Variants in MAGI2 observed in about 807,000 individuals in gnomAD.
MAGI2 encodes membrane-associated guanylate kinase, WW and PDZ domain-containing protein 2.
In MAGI2, 35 loss-of-function variants were observed where a neutral mutation model predicts 133.3. The observed-to-expected ratio is 0.26, with a 90% CI of 0.20 to 0.35. The LOEUF (loss-of-function observed/expected upper bound fraction) is 0.35, where lower values mean the gene tolerates loss of function less well. Ranked by LOEUF, MAGI2 falls within the 10% of genes least tolerant of loss-of-function variation. The pLI is 1.00. For missense variants in MAGI2, 1,636 were observed against 1,863.4 expected (o/e 0.88, Z 2.25); for synonymous variants, 729 against 710.6 (o/e 1.03, Z -0.41).
intron 2 of MAGI2, among the ~76,000 whole-genome samples, chr7:78,667,840 G>A (rs973003897): frequency 8.5e-5 from 13 of 152,096 alleles, no homozygotes; most frequent in South Asian, 2.1e-4. Context: ...GAATAGTACC[G>A]CAATAAACAT....
chr7:79,131,441 A>C (rs1242090808), intron 1 of MAGI2, among the ~76,000 whole-genome samples: 1 of 152,176 alleles, frequency 6.6e-6, no homozygotes, highest in African/African-American at 2.4e-5. Flanking sequence ...ATAAATACTA[A>C]TATGTATCTG....
rs1158477695 is a variant in MAGI2 at position 78,955,723 on chromosome 7, C to CTCTTTCTTTCTT, written c.418+51355_418+51366dup. Among the ~76,000 whole-genome samples, 93 of 83,476 alleles carry CTCTTTCTTTCTT rather than the reference C, an allele frequency of 1.1e-3. 1 individual carries two copies. The highest frequency in any genetic ancestry group is 4.9e-3 in the East Asian group (12 of 2,456). The allele number at this position is 83,476 out of a possible 152,430, so 54.8% of individuals were successfully genotyped here. A position where few individuals can be genotyped will look rare whatever the true frequency, so the allele number is the denominator to read the frequency against. Reference sequence around the variant, plus strand: ...TCCCTTTCTTTCTTTTTCTTTCTTTCTCTTTCTTTCTTTCTTTCTTTCTTT... The same window carrying CTCTTTCTTTCTT: ...TCCCTTTCTTTCTTTTTCTTTCTTTCTCTTTCTTTCTTTCTTTCTTTCTTTCTTTCTTTCTTT... On this transcript the variant is annotated intron_variant, in intron 2 of 21. Coordinates refer to ENST00000354212, the MANE Select transcript of MAGI2 (RefSeq NM_012301.4).
At chr7:78,455,772 G>C (rs2302638) in intron 6 of MAGI2, among the ~76,000 whole-genome samples, 1 of 151,760 alleles carries the variant, frequency 6.6e-6, no homozygotes, top group Admixed American at 6.6e-5. Flanking sequence ...CACCATATTA[G>C]GTGCTAAGTG....
At chr7:78,446,954 G>C (rs921301552) in intron 6 of MAGI2, among the ~76,000 whole-genome samples, 3 of 152,062 alleles carry the variant, frequency 2.0e-5, no homozygotes, top group African/African-American at 7.2e-5. Context: ...AGGATGCACA[G>C]TTGGCAGTTT....
intron 5 of MAGI2, among the ~76,000 whole-genome samples, chr7:78,493,662 C>T (rs771667927): frequency 1.6e-4 from 24 of 152,006 alleles, no homozygotes; most frequent in East Asian, 3.9e-4. Flanking sequence ...CAGAGGCATC[C>T]GGAACCTCAC....
chr7:79,125,681 C>A, intron 1 of MAGI2: 1 of 529,032 alleles, frequency 1.9e-6, no homozygotes. Flanking sequence ...ATTTTGGAGC[C>A]ATGAAGGGAG....
chr7:79,147,609 T>C (rs1426973329), intron 1 of MAGI2, among the ~76,000 whole-genome samples: 3 of 152,200 alleles, frequency 2.0e-5, no homozygotes, highest in African/African-American at 7.2e-5. Flanking sequence ...AGGGCCCAGA[T>C]AAACAGTTTA....
intron 2 of MAGI2, among the ~76,000 whole-genome samples, chr7:78,961,999 TG>T (rs1562721714): frequency 6.6e-6 from 1 of 152,060 alleles, no homozygotes; most frequent in Non-Finnish European, 1.5e-5. Context: ...TATGACACAA[TG>T]TTAAGTATTT....
intron 1 of MAGI2, among the ~76,000 whole-genome samples, chr7:79,386,420 T>C (rs1192736283): frequency 6.6e-6 from 1 of 152,008 alleles, no homozygotes; most frequent in East Asian, 1.9e-4. Context: ...ATTGTGTACA[T>C]TGGGATTAAA....
intron 2 of MAGI2, among the ~76,000 whole-genome samples, chr7:78,828,191 G>A (rs1010677878): frequency 7.8e-5 from 11 of 141,324 alleles, no homozygotes; most frequent in South Asian, 2.1e-4. Flanking sequence ...AGCCTTCCCC[G>A]CCTCTTAAAT....
At chr7:78,780,676 ATG>A (rs1826324233) in intron 2 of MAGI2, among the ~76,000 whole-genome samples, 1 of 152,162 alleles carries the variant, frequency 6.6e-6, no homozygotes, top group African/African-American at 2.4e-5. Flanking sequence ...TTCCTATGAG[ATG>A]TGTGAGGCTT....
intron 10 of MAGI2, among the ~76,000 whole-genome samples, chr7:78,249,953 C>A (rs1349138202): frequency 6.6e-6 from 1 of 151,920 alleles, no homozygotes; most frequent in Non-Finnish European, 1.5e-5. Context: ...ACATCATATA[C>A]CCCATAAATA....
chr7:79,063,241 A>C (rs1813947633), intron 1 of MAGI2, among the ~76,000 whole-genome samples: 1 of 152,104 alleles, frequency 6.6e-6, no homozygotes, highest in Admixed American at 6.6e-5. Flanking sequence ...GACTGGGTTT[A>C]TGATTCCTTC....
intron 2 of MAGI2, among the ~76,000 whole-genome samples, chr7:78,969,546 C>T (rs1803613844): frequency 6.6e-6 from 1 of 152,078 alleles, no homozygotes; most frequent in Non-Finnish European, 1.5e-5. Context: ...TAGTTCACAC[C>T]TCTAGTTCGA....
intron 1 of MAGI2, among the ~76,000 whole-genome samples, chr7:79,243,072 T>C (rs544994896): frequency 2.0e-5 from 3 of 152,046 alleles, no homozygotes; most frequent in Non-Finnish European, 4.4e-5. Flanking sequence ...AAAAATTAGC[T>C]GGGCATGGTT....
At chr7:78,368,325 A>T (rs574122044) in intron 7 of MAGI2, among the ~76,000 whole-genome samples, 32 of 152,302 alleles carry the variant, frequency 2.1e-4, no homozygotes, top group Non-Finnish European at 4.1e-4. Context: ...ATGTGGTTGG[A>T]AAAAACAAAG....
intron 10 of MAGI2, among the ~76,000 whole-genome samples, chr7:78,230,766 T>C (rs1202501401): frequency 2.0e-5 from 3 of 152,204 alleles, no homozygotes; most frequent in Non-Finnish European, 4.4e-5. Context: ...TTGGTTTCTG[T>C]AAAAACCCTG....
intron 3 of MAGI2, among the ~76,000 whole-genome samples, chr7:78,596,595 T>G (rs1295533253): frequency 6.6e-6 from 1 of 152,118 alleles, no homozygotes. Context: ...TCTGTATTAA[T>G]TAGGTCCACC....
intron 2 of MAGI2, among the ~76,000 whole-genome samples, chr7:78,705,029 T>C (rs114027998): frequency 0.014 from 2,177 of 152,104 alleles, 58 homozygotes; most frequent in African/African-American, 0.05. Context: ...GGAGGGTATA[T>C]TTACACCACA....
Sources: gnomAD v4.1 joint callset for allele counts (sites outside exome capture counted in the v4.1 genomes callset) on GRCh38, gnomAD v4.1.1 for gene constraint, MANE v1.5 for transcripts, NCBI Gene and HGNC (gene_info 2026-07-23, HGNC 2026-07-21) for gene names.